The following CSMD1 variants were observed in gnomAD, a reference collection of about 807,000 sequenced individuals.
CSMD1 encodes CUB and sushi domain-containing protein 1.
A neutral mutation model predicts 417.5 loss-of-function variants in CSMD1; 213 were observed. The observed-to-expected ratio is 0.51, with a 90% CI of 0.46 to 0.57. CSMD1 has a LOEUF of 0.57. Among genes scored for constraint, CSMD1 ranks in the 20% least tolerant of loss-of-function variants. CSMD1 has a pLI of 0.00. For synonymous variants in CSMD1, 2,862 were observed against 1,736.8 expected, an observed-to-expected ratio of 1.65 and a Z score of -16.11; for missense variants, 6,923 against 4,529.7, an observed-to-expected ratio of 1.53 and a Z score of -15.17.
At chr8:4,450,313 T>C (rs1047579554) in intron 2 of CSMD1, among the ~76,000 whole-genome samples, 1 of 152,082 alleles carries the variant, frequency 6.6e-6, no homozygotes, top group African/African-American at 2.4e-5. Flanking sequence ...CAACTCAGAG[T>C]ATTTTTTCTT....
At chr8:3,264,564 C>T (rs1318501737) in intron 26 of CSMD1, among the ~76,000 whole-genome samples, 6 of 152,096 alleles carry the variant, frequency 3.9e-5, no homozygotes, top group Admixed American at 3.9e-4. Context: ...GGATATGCCT[C>T]TAGAACAGAG....
At chr8:3,142,800 C>T (rs920672381) in intron 40 of CSMD1, 126 bp from the exon 41 acceptor site, 3 of 829,946 alleles carry the variant, frequency 3.6e-6, no homozygotes, top group African/African-American at 1.7e-5. Context: ...AGAACCATGC[C>T]GTGGAGGACG....
chr8:3,694,546 G>T (rs1042921749), intron 7 of CSMD1, among the ~76,000 whole-genome samples: 1 of 151,954 alleles, frequency 6.6e-6, no homozygotes, highest in South Asian at 2.1e-4. Context: ...AGATCCCCAG[G>T]TTCAGGTTCA....
intron 5 of CSMD1, among the ~76,000 whole-genome samples, chr8:3,926,478 A>G (rs1369639224): frequency 6.6e-6 from 1 of 151,948 alleles, no homozygotes; most frequent in African/African-American, 2.4e-5. Context: ...CATGTGTTGC[A>G]TTTCATTAGT....
At chr8:4,947,244 A>G (rs1435958647) in intron 1 of CSMD1, among the ~76,000 whole-genome samples, 1 of 152,202 alleles carries the variant, frequency 6.6e-6, no homozygotes. Flanking sequence ...AAACAGTGAA[A>G]TTTTTAAAAT....
chr8:3,254,271 T>C (rs529444885), intron 26 of CSMD1, among the ~76,000 whole-genome samples: 2 of 152,220 alleles, frequency 1.3e-5, no homozygotes, highest in African/African-American at 4.8e-5. Flanking sequence ...CTTCCCTTTG[T>C]GGGTAACCCG....
chr8:3,706,677 T>C (rs1407181174), intron 7 of CSMD1, among the ~76,000 whole-genome samples: 1 of 152,194 alleles, frequency 6.6e-6, no homozygotes, highest in African/African-American at 2.4e-5. Context: ...ATATCCAACC[T>C]GATATTGATT....
chr8:4,551,023 C>G (rs1471460367), intron 2 of CSMD1, among the ~76,000 whole-genome samples: 1 of 152,106 alleles, frequency 6.6e-6, no homozygotes, highest in Non-Finnish European at 1.5e-5. Flanking sequence ...TTATAAAATC[C>G]TGCCTTTTGA....
chr8:3,349,484 C>G (rs1808247241), intron 21 of CSMD1, among the ~76,000 whole-genome samples: 1 of 151,912 alleles, frequency 6.6e-6, no homozygotes, highest in African/African-American at 2.4e-5. Context: ...GGGTTCACTT[C>G]TCCCTCATCC....
intron 54 of CSMD1, among the ~76,000 whole-genome samples, chr8:2,988,808 G>C (rs1182710869): frequency 7.9e-5 from 12 of 152,150 alleles, no homozygotes; most frequent in Admixed American, 4.6e-4. Flanking sequence ...AAGCACTGCA[G>C]GGCTGGATAG....
At chr8:3,985,189 T>G (rs73180026) in intron 5 of CSMD1, among the ~76,000 whole-genome samples, 1 of 151,860 alleles carries the variant, frequency 6.6e-6, no homozygotes, top group Non-Finnish European at 1.5e-5. Flanking sequence ...TTCTCACAGT[T>G]TGTGGTAAAC....
chr8:2,996,071 C>G (rs770013024), intron 54 of CSMD1, among the ~76,000 whole-genome samples: 2 of 152,110 alleles, frequency 1.3e-5, no homozygotes, highest in Non-Finnish European at 2.9e-5. Context: ...AAGGACCTCT[C>G]TGTATTATAC....
rs117244990 is a variant in CSMD1, at chr8:4,117,238, T to A, written c.416-85139A>T. Among the ~76,000 whole-genome samples, 138 of 123,824 alleles carry A rather than the reference T, an allele frequency of 1.1e-3. 2 individuals carry two copies. In the East Asian group the frequency reaches 0.029, roughly 26 times the overall value. 81.2% of individuals were successfully genotyped at this position (123,824 alleles called of 152,430 possible). A position where few individuals can be genotyped will look rare whatever the true frequency, so the allele number is the denominator to read the frequency against. On this transcript the variant is annotated intron_variant, in intron 3 of 69. Transcript: ENST00000635120. ...CCCCTCCATCTCATGGTCGTTTCTG[T>A]CTGCTTTCCTCTCATCTATAATCCC...
chr8:4,949,420 ATTAT>A (rs554931610), intron 1 of CSMD1, among the ~76,000 whole-genome samples: 82 of 152,292 alleles, frequency 5.4e-4, no homozygotes, highest in African/African-American at 1.9e-3. Flanking sequence ...TTCCTGGAAA[ATTAT>A]TTGAGTATGC....
chr8:3,763,344 T>A (rs935397837), intron 5 of CSMD1, among the ~76,000 whole-genome samples: 1 of 152,102 alleles, frequency 6.6e-6, no homozygotes, highest in Non-Finnish European at 1.5e-5. Flanking sequence ...GTTGGTGTCA[T>A]GGGGGCAGAA....
In CSMD1 at chr8:4,691,726, G is replaced by T. The variant is rs1317166420; in HGVS notation, c.86-54168C>A. On this transcript the variant is annotated intron_variant, in intron 1 of 69. Coordinates refer to ENST00000635120, the MANE Select transcript of CSMD1 (RefSeq NM_033225.6). ...TCAACCCAATTTCCTGAAGGTCCAGGTACACTACATTGGGAATCTGTAGCT... is the reference window on the plus strand; with the variant it reads ...TCAACCCAATTTCCTGAAGGTCCAGTTACACTACATTGGGAATCTGTAGCT... Among the ~76,000 whole-genome samples the T allele has an allele frequency of 3.9e-5, 6 of 152,294 alleles. No homozygotes were observed. The South Asian group carries it at 1.0e-3, about 26-fold the overall frequency.
chr8:4,361,653 G>A (rs887407513), intron 3 of CSMD1, among the ~76,000 whole-genome samples: 2 of 152,024 alleles, frequency 1.3e-5, no homozygotes, highest in Non-Finnish European at 2.9e-5. Context: ...TTTCCTTAAA[G>A]AAGTTTCCTA....
intron 3 of CSMD1, among the ~76,000 whole-genome samples, chr8:4,155,730 T>C (rs1585440605): frequency 1.3e-5 from 2 of 152,246 alleles, no homozygotes; most frequent in South Asian, 4.1e-4. Context: ...AACAGAAACA[T>C]TCCTCCGTGT....
intron 7 of CSMD1, among the ~76,000 whole-genome samples, chr8:3,670,201 G>C (rs562246507): frequency 6.6e-6 from 1 of 151,996 alleles, no homozygotes; most frequent in Non-Finnish European, 1.5e-5. Context: ...ATCTGGGTGG[G>C]TACCCTCTAA....
Sources: allele counts gnomAD v4.1 joint callset (sites outside exome capture counted in the v4.1 genomes callset), GRCh38; gene constraint gnomAD v4.1.1; transcripts MANE v1.5; gene names NCBI Gene and HGNC (gene_info 2026-07-23, HGNC 2026-07-21).